The following UBR4 variants were observed in gnomAD, a reference collection of about 807,000 sequenced individuals.
UBR4 encodes ubiquitin protein ligase E3 component n-recognin 4.
In UBR4, 124 loss-of-function variants were observed where a neutral mutation model predicts 575.6. The ratio of observed to expected loss-of-function variants is 0.22; its 90% CI spans 0.19 to 0.25. The LOEUF is 0.25. UBR4 is among the 10% of genes least tolerant of loss of function. The pLI, the probability that UBR4 is intolerant of heterozygous loss-of-function variation, is 1.00. For missense variants in UBR4, 4,818 were observed against 6,478.8 expected, an observed-to-expected ratio of 0.74 and a Z score of 8.80; for synonymous variants, 2,455 against 2,473.7, an observed-to-expected ratio of 0.99 and a Z score of 0.22.
intron 55 of UBR4, 80 bp from the exon 56 acceptor site, chr1:19,141,857 A>C (rs1461734262): frequency 6.4e-7 from 1 of 1,571,678 alleles, no homozygotes; most frequent in African/African-American, 1.4e-5. Context: ...AGGTGGCAAC[A>C]AAAACCCAAG....
chr1:19,117,367 G>C lies in UBR4; in HGVS notation c.10677C>G (p.Thr3559=), dbSNP rs367755057. Residue 3559 remains threonine (T), a synonymous_variant, in exon 73 of 106, where the codon ACC becomes ACG. Transcript: ENST00000375254. The surrounding 1 kb of genome is among the most constrained non-coding windows in gnomAD (Gnocchi z 4.0). The part of the protein sequence containing the change: ...SIKVDTRYTT[T]QQVVKLIGSH... ...TGCCAATGAGCTTCACAACCTGCTGGGTGGTGGTGTACCGCGTGTCCACTT... is the reference window on the plus strand; with the variant it reads ...TGCCAATGAGCTTCACAACCTGCTGCGTGGTGGTGTACCGCGTGTCCACTT... The C allele has an allele frequency of 3.8e-5, 62 of 1,614,040 alleles. No individual in the cohort carries two copies. The highest frequency in any genetic ancestry group is 4.8e-5 in the Non-Finnish European group (57 of 1,180,040).
chr1:19,109,478 C>T (rs997385022), intron 81 of UBR4, among the ~76,000 whole-genome samples: 1 of 152,108 alleles, frequency 6.6e-6, no homozygotes, highest in Non-Finnish European at 1.5e-5. Context: ...GAGAACTGAC[C>T]CTCTAAGGAG....
chr1:19,141,423 C>T lies in UBR4; in HGVS notation c.8412G>A (p.Leu2804=). ...LAGAEGFPPM[L]DIPPDADDET... ...CGTCATCTGCATCAGGTGGGATGTC[C>T]AGCATGGGGGGGAAGCCCTCTGCGC... The change falls in exon 57 of 106, where the codon CTG becomes CTA. Residue 2804 remains leucine, a synonymous_variant. Coordinates refer to ENST00000375254, the MANE Select transcript of UBR4 (RefSeq NM_020765.3). 1 of 1,614,244 alleles carries T rather than the reference C, an allele frequency of 6.2e-7. No individual in the cohort carries two copies. Among genetic ancestry groups the T allele is most frequent in the Non-Finnish European group, 8.5e-7 (1 of 1,180,036 alleles).
intron 11 of UBR4, among the ~76,000 whole-genome samples, chr1:19,190,312 A>AAAAAAAAAAAAAAAAAATATATAT: frequency 1.3e-5 from 1 of 79,912 alleles, no homozygotes; most frequent in Non-Finnish European, 2.3e-5. Flanking sequence ...AAAAAAAAAA[A>AAAAAAAAAAAAAAAAAATATATAT]ATATATATAT....
rs1196753829 is a variant in UBR4, at chr1:19,155,158, A to G, written c.6301-83T>C. The G allele has an allele frequency of 5.1e-6, 8 of 1,565,642 alleles. No individual in the cohort carries two copies. The East Asian group carries it at 9.0e-5, about 18-fold the overall frequency. On this transcript the variant is annotated intron_variant, in intron 43 of 105. Transcript: ENST00000375254. ...CGGTTTATACTGGTTATTATTTTCAATCATGATCAGGTGCTCTCATACTCT... is the reference window on the plus strand; with the variant it reads ...CGGTTTATACTGGTTATTATTTTCAGTCATGATCAGGTGCTCTCATACTCT...
chr1:19,138,297 G>T, intron 59 of UBR4, 116 bp from the exon 60 acceptor site: 1 of 1,143,366 alleles, frequency 8.7e-7, no homozygotes, highest in Non-Finnish European at 1.2e-6. Context: ...GACAATAACT[G>T]GTAGCATTTT....
In UBR4 at chr1:19,113,603, C is replaced by G. The variant is rs1384788279; in HGVS notation, c.11457+96G>C. 3 of 1,555,188 alleles carry G rather than the reference C, an allele frequency of 1.9e-6. No individual in the cohort carries two copies. The African/African-American group carries it at 4.1e-5, about 21-fold the overall frequency. On this transcript the variant is annotated intron_variant, in intron 77 of 105. Coordinates refer to ENST00000375254, the MANE Select transcript of UBR4 (RefSeq NM_020765.3). ...GATTGGGCAGGGACAACACCAAGACCTGGACTGCTAGATGAGAGAGCAGCA... is the reference window on the plus strand; with the variant it reads ...GATTGGGCAGGGACAACACCAAGACGTGGACTGCTAGATGAGAGAGCAGCA...
chr1:19,170,900 G>C lies in UBR4; in HGVS notation c.3522-17C>G, dbSNP rs1230723902. 1 of 1,613,942 alleles carries C rather than the reference G, an allele frequency of 6.2e-7. No individual in the cohort carries two copies. Among genetic ancestry groups the C allele is most frequent in the Non-Finnish European group, 8.5e-7 (1 of 1,179,994 alleles). ...AAATAGGCTCTGGGGAAAAAACAGGGGGAAAGTGAAGCCATAAGATTCTAA... is the reference window on the plus strand; with the variant it reads ...AAATAGGCTCTGGGGAAAAAACAGGCGGAAAGTGAAGCCATAAGATTCTAA... On this transcript the variant is annotated splice_polypyrimidine_tract_variant and intron_variant, in intron 25 of 105. Coordinates refer to ENST00000375254, the MANE Select transcript of UBR4 (RefSeq NM_020765.3).
chr1:19,109,457 C>T (rs577408189), intron 81 of UBR4, among the ~76,000 whole-genome samples: 1 of 152,336 alleles, frequency 6.6e-6, no homozygotes, highest in South Asian at 2.1e-4. Flanking sequence ...GAGCTCACAG[C>T]TAGCCTAGTA....
intron 25 of UBR4, among the ~76,000 whole-genome samples, chr1:19,172,444 G>C (rs780439436): frequency 2.6e-5 from 4 of 152,146 alleles, no homozygotes; most frequent in Non-Finnish European, 5.9e-5. Flanking sequence ...TTGAACCCAG[G>C]GGGTGGAGGT....
At position 19,117,782 on chromosome 1, in the gene UBR4, C is replaced by A; in HGVS notation, c.10629+41G>T. 6.4e-7 allele frequency: 1 copy of A among 1,557,368 alleles called. No homozygotes were observed. The highest frequency in any genetic ancestry group is 1.1e-5 in the South Asian group (1 of 89,654). On this transcript the variant is annotated intron_variant, in intron 72 of 105. Transcript: ENST00000375254. This position sits in a 1 kb window ranked among gnomAD's most constrained non-coding sequence, Gnocchi z 4.0. ...CTCTGGAAACAAGAATCCCACTGGA[C>A]CTATTGGCCTCAGGACTGTCCATGT...
intron 87 of UBR4, among the ~76,000 whole-genome samples, chr1:19,103,304 C>G (rs990401052): frequency 6.6e-6 from 1 of 152,182 alleles, no homozygotes; most frequent in African/African-American, 2.4e-5. Flanking sequence ...AGACCTCACA[C>G]CTGTAATCCC....
chr1:19,146,877 G>A lies in UBR4; in HGVS notation c.7753C>T (p.Pro2585Ser), dbSNP rs2084946985. 1 of 1,614,172 alleles carries A rather than the reference G, an allele frequency of 6.2e-7. No homozygotes were observed. The highest frequency in any genetic ancestry group is 1.3e-5 in the African/African-American group (1 of 75,066). Residue 2585 changes from proline (P) to serine (S), a missense_variant, in exon 52 of 106, where the codon CCC becomes TCC. This residue lies in a region of UBR4 where 340 missense variants were observed against 375.4 expected (regional missense o/e 0.91). Coordinates refer to ENST00000375254, the MANE Select transcript of UBR4 (RefSeq NM_020765.3). ...ITARSIAIMRPNNLVHFTESK... is the reference protein window; with the variant it reads ...ITARSIAIMRSNNLVHFTESK... ...TCCGTAAAGTGGACAAGGTTGTTGG[G>A]GCGCATGATGGCAATGGAGCGAGCT...
rs1377541362 is a variant in UBR4, at chr1:19,179,141, G to C, written c.2264C>G (p.Ser755Cys). The C allele has an allele frequency of 6.2e-7, 1 of 1,613,844 alleles. No individual in the cohort carries two copies. The change falls in exon 18 of 106, where the codon TCT becomes TGT. Residue 755 changes from serine to cysteine, a missense_variant. By Grantham distance (112) the Ser-to-Cys change is moderately radical (BLOSUM62 -1). Around this residue, in one of 29 missense-constraint regions of UBR4, gnomAD observed 1,172 missense variants for 1,259.7 expected, o/e 0.93. Transcript: ENST00000375254. ...WPLYIHPQSLSVLSRLLLIWQ... is the reference protein window; with the variant it reads ...WPLYIHPQSLCVLSRLLLIWQ... ...GATGAGCAGGAGGCGTGAAAGCACA[G>C]AGAGGCTTTGAGGGTGAATGTACAA...
chr1:19,095,578 G>A lies in UBR4; in HGVS notation c.13593C>T (p.Asn4531=), dbSNP rs1318991232. 8.7e-6 allele frequency: 14 copies of A among 1,614,090 alleles called. No homozygotes were observed. The highest frequency in any genetic ancestry group is 1.2e-5 in the Non-Finnish European group (14 of 1,179,996). The change falls in exon 93 of 106, where the codon AAC becomes AAT. Residue 4531 remains asparagine, a synonymous_variant. Transcript: ENST00000375254. ...GGGTCCCCAGCATGACGTTCAAGGT[G>A]TTCATTTCCAGTTTGACCAGTTGCT... The part of the protein sequence containing the change: ...NRQQLVKLEM[N]TLNVMLGTLN...
In UBR4 at chr1:19,185,236, G is replaced by A. The variant is rs971487692; in HGVS notation, c.1801C>T (p.Pro601Ser). 1 of 1,612,006 alleles carries A rather than the reference G, an allele frequency of 6.2e-7. No individual in the cohort carries two copies. The highest frequency in any genetic ancestry group is 1.7e-5 in the Admixed American group (1 of 59,622). The change falls in exon 15 of 106, where the codon CCC becomes TCC. Residue 601 changes from proline (P) to serine (S), a missense_variant. Pro to Ser is a moderately conservative substitution (Grantham distance 74). Around this residue, in one of 29 missense-constraint regions of UBR4, gnomAD observed 1,172 missense variants for 1,259.7 expected, o/e 0.93. Coordinates refer to ENST00000375254, the MANE Select transcript of UBR4 (RefSeq NM_020765.3). Reference protein sequence around the residue: ...LGQWFEETISPSKEKAAPPPP... With the variant: ...LGQWFEETISSSKEKAAPPPP... ...GGAGGTGCTGCTTTCTCTTTACTGGGAGAAATAGTCTCCTCAAACCATTGC... is the reference window on the plus strand; with the variant it reads ...GGAGGTGCTGCTTTCTCTTTACTGGAAGAAATAGTCTCCTCAAACCATTGC...
At chr1:19,108,041 C>T (rs764446202) in intron 81 of UBR4, among the ~76,000 whole-genome samples, 48 of 152,098 alleles carry the variant, frequency 3.2e-4, no homozygotes, top group Non-Finnish European at 5.0e-4. Flanking sequence ...ATATGAAAAA[C>T]ATTTGGCCTC....
At chr1:19,138,510 C>T (rs779852277) in intron 59 of UBR4, among the ~76,000 whole-genome samples, 1 of 152,180 alleles carries the variant, frequency 6.6e-6, no homozygotes, top group Non-Finnish European at 1.5e-5. Flanking sequence ...TTCATCTCCT[C>T]TGTAAAAATT....
At position 19,081,376 on chromosome 1, in the gene UBR4, C is replaced by T. The variant is rs377272045; in HGVS notation, c.15206G>A (p.Arg5069Gln). 5.8e-5 allele frequency: 94 copies of T among 1,609,044 alleles called. No homozygotes were observed. The highest frequency in any genetic ancestry group is 8.4e-5 in the Admixed American group (5 of 59,316). Residue 5069 changes from arginine (R) to glutamine (Q), a missense_variant, in exon 103 of 106, where the codon CGG (arginine) becomes CAG (glutamine). This residue lies in a region of UBR4 where 212 missense variants were observed against 221.3 expected (regional missense o/e 0.96). Transcript: ENST00000375254. ...LRRLLVTSQA[R>Q]AVAPGGATRL... The stretch of plus-strand genomic sequence containing the variant: ...GGTGGCTCCACCTGGAGCCACTGCC[C>T]GAGCCTGCGAGGTCACCAACAGCCT...
Sources: allele counts gnomAD v4.1 joint callset (sites outside exome capture counted in the v4.1 genomes callset), GRCh38; gene constraint gnomAD v4.1.1; regional missense constraint gnomAD v4.1.1; non-coding constraint Gnocchi (gnomAD v3.1); transcripts MANE v1.5; gene names NCBI Gene and HGNC (gene_info 2026-07-23, HGNC 2026-07-21).